Variants in ZBTB44 observed in about 807,000 individuals in gnomAD.
ZBTB44 encodes zinc finger and BTB domain containing 44.
In ZBTB44, 15 loss-of-function variants were observed where a neutral mutation model predicts 54.0. The observed-to-expected ratio is 0.28, with a 90% confidence interval of 0.19 to 0.43. The LOEUF (loss-of-function observed/expected upper bound fraction) is 0.43. ZBTB44 is among the 20% of genes least tolerant of loss of function. The pLI is 1.00. For synonymous variants in ZBTB44, 230 were observed against 250.1 expected, an observed-to-expected ratio of 0.92 and a Z score of 0.76; for missense variants, 487 against 707.1, an observed-to-expected ratio of 0.69 and a Z score of 3.53.
At chr11:130,279,407 C>G (rs1429074058) in intron 1 of ZBTB44, among the ~76,000 whole-genome samples, 3 of 151,642 alleles carry the variant, frequency 2.0e-5, no homozygotes, top group Admixed American at 1.3e-4. Flanking sequence ...ACCTGTAATA[C>G]CAGCACTTTG....
chr11:130,270,235 A>C (rs2134187993), intron 1 of ZBTB44, among the ~76,000 whole-genome samples: 1 of 152,334 alleles, frequency 6.6e-6, no homozygotes, highest in East Asian at 1.9e-4. Flanking sequence ...ACCAGGTTTT[A>C]ATTATGCTAA....
At position 130,230,071 on chromosome 11, in the gene ZBTB44, CAAGT is replaced by C. The variant is rs1953818468; in HGVS notation, c.*1689_*1692del. ...TATTAAAATTTTAGGATTATTCATT[CAAGT>C]AATAAGTCTCTGTTACAGAATTGCC... is the stretch of plus-strand genomic sequence containing the variant. On this transcript the variant is annotated 3_prime_UTR_variant, in exon 8 of 8. Transcript: ENST00000357899. 6.6e-6 allele frequency: 1 copy of C among 152,002 alleles called. No homozygotes were observed. Among genetic ancestry groups the C allele is most frequent in the South Asian group, 2.1e-4 (1 of 4,834 alleles). The allele number at this position is 152,002 out of a possible 1,614,324, so 9.4% of individuals were successfully genotyped here. A position where few individuals can be genotyped will look rare whatever the true frequency, so the allele number is the denominator to read the frequency against.
At chr11:130,247,253 A>G (rs1033784727) in intron 2 of ZBTB44, among the ~76,000 whole-genome samples, 4 of 152,212 alleles carry the variant, frequency 2.6e-5, no homozygotes, top group Non-Finnish European at 4.4e-5. Context: ...GTCTTTGGCT[A>G]TAGGGCCCAG....
At chr11:130,255,852 A>C (rs1938388722) in intron 2 of ZBTB44, among the ~76,000 whole-genome samples, 1 of 150,656 alleles carries the variant, frequency 6.6e-6, no homozygotes, top group South Asian at 2.1e-4. Context: ...AAGAAGCTGA[A>C]TCCCTGAATA....
chr11:130,241,011 T>C (rs1476377159), intron 2 of ZBTB44, among the ~76,000 whole-genome samples: 4 of 152,252 alleles, frequency 2.6e-5, no homozygotes, highest in Admixed American at 2.6e-4. Context: ...ACTATATGTA[T>C]TCTTTTGTCT....
chr11:130,251,178 G>A (rs912095235), intron 2 of ZBTB44, among the ~76,000 whole-genome samples: 3 of 152,292 alleles, frequency 2.0e-5, no homozygotes, highest in East Asian at 3.9e-4. Flanking sequence ...AATGGATCAA[G>A]CGGAAGAAAG....
chr11:130,240,602 G>A (rs1201560894), intron 2 of ZBTB44, among the ~76,000 whole-genome samples: 2 of 152,108 alleles, frequency 1.3e-5, no homozygotes, highest in African/African-American at 4.8e-5. Context: ...CAGATAAAGT[G>A]AACACCCAGG....
At chr11:130,236,217 C>T in intron 5 of ZBTB44, 1 of 1,283,564 alleles carries the variant, frequency 7.8e-7, no homozygotes, top group Non-Finnish European at 1.0e-6. Context: ...CTGGGATGCC[C>T]TATAAATCAG....
chr11:130,311,401 G>T (rs1942594641), intron 1 of ZBTB44, among the ~76,000 whole-genome samples: 1 of 152,022 alleles, frequency 6.6e-6, no homozygotes, highest in African/African-American at 2.4e-5. Flanking sequence ...TAGAGATGGG[G>T]TCTCATCATG....
At chr11:130,284,110 G>A (rs571751508) in intron 1 of ZBTB44, among the ~76,000 whole-genome samples, 75 of 151,912 alleles carry the variant, frequency 4.9e-4, no homozygotes, top group African/African-American at 1.7e-3. Context: ...CCAACATGGC[G>A]AAACCCCGTC....
Position 130,239,429 on chromosome 11 carries a change from G to A in ZBTB44, c.1103+383C>T, listed in dbSNP as rs921677075. On this transcript the variant is annotated intron_variant, in intron 3 of 7. Transcript: ENST00000357899. ...TCCGTACAGCACACATTCTGACTTT[G>A]CACACCATACAGTCTGTTTCAACCA... 19 of 198,124 alleles carry A rather than the reference G, an allele frequency of 9.6e-5. No individual in the cohort carries two copies. In the Admixed American group the frequency reaches 1.0e-3, roughly 11 times the overall value. The allele number at this position is 198,124 out of a possible 1,614,324, so 12.3% of individuals were successfully genotyped here. A position where few individuals can be genotyped will look rare whatever the true frequency, so the allele number is the denominator to read the frequency against.
At chr11:130,271,384 C>G (rs1418608549) in intron 1 of ZBTB44, among the ~76,000 whole-genome samples, 1 of 152,156 alleles carries the variant, frequency 6.6e-6, no homozygotes, top group African/African-American at 2.4e-5. Context: ...GATTCCATGT[C>G]TCAGGCAGTA....
At chr11:130,285,189 G>A in intron 1 of ZBTB44, 1 of 168,370 alleles carries the variant, frequency 5.9e-6, no homozygotes, top group Non-Finnish European at 1.4e-5. Context: ...TCTTTACTAA[G>A]GAGTTTTTGG....
At chr11:130,313,439 A>G (rs927275271) in intron 1 of ZBTB44, among the ~76,000 whole-genome samples, 2 of 152,254 alleles carry the variant, frequency 1.3e-5, no homozygotes, top group Non-Finnish European at 2.9e-5. Flanking sequence ...ATAAGGGGAA[A>G]CTACATTAGG....
rs1025240295 is a variant in ZBTB44, at chr11:130,289,257, T to C, written c.-57+25118A>G. On this transcript the variant is annotated intron_variant, in intron 1 of 7. Coordinates refer to ENST00000357899, the MANE Select transcript of ZBTB44 (RefSeq NM_001301098.2). ...CAGCACTCTGGGAGGCTGAGGAATG[T>C]GGGTCACCTGAGGTCAGGAGTTCAA... is the stretch of plus-strand genomic sequence containing the variant. Among the ~76,000 whole-genome samples, 27 of 152,030 alleles carry C rather than the reference T, an allele frequency of 1.8e-4. 1 individual carries two copies. The highest frequency in any genetic ancestry group is 7.9e-4 in the Admixed American group (12 of 15,252).
intron 5 of ZBTB44, 105 bp downstream of exon 5, chr11:130,236,688 G>C (rs1457178356): frequency 1.7e-6 from 2 of 1,191,342 alleles, no homozygotes; most frequent in East Asian, 6.1e-5. Flanking sequence ...AAATGTGACT[G>C]ACTAGCTGGC....
At chr11:130,284,125 C>T (rs1404643845) in intron 1 of ZBTB44, among the ~76,000 whole-genome samples, 1 of 151,920 alleles carries the variant, frequency 6.6e-6, no homozygotes, top group East Asian at 1.9e-4. Context: ...CCCGTCTCTA[C>T]TAAAAATACA....
In ZBTB44 at chr11:130,282,730, A is replaced by G. The variant is rs192438240; in HGVS notation, c.-56-20801T>C. Among the ~76,000 whole-genome samples the G allele has an allele frequency of 3.4e-3, 512 of 152,278 alleles. 1 individual carries two copies. Among genetic ancestry groups the G allele is most frequent in the African/African-American group, 0.011 (475 of 41,566 alleles). ...AGTATTTTGAGTAAGAGTGGCTACC[A>G]CCTTAAACGGTTCACATTTCTCTCT... On this transcript the variant is annotated intron_variant, in intron 1 of 7. Coordinates refer to ENST00000357899, the MANE Select transcript of ZBTB44 (RefSeq NM_001301098.2).
intron 1 of ZBTB44, among the ~76,000 whole-genome samples, chr11:130,306,369 G>A (rs1451698096): frequency 6.6e-6 from 1 of 152,064 alleles, no homozygotes; most frequent in Non-Finnish European, 1.5e-5. Context: ...GGGCGTGGTG[G>A]TGCATGCCTG....
Sources: allele counts gnomAD v4.1 joint callset (sites outside exome capture counted in the v4.1 genomes callset), GRCh38; gene constraint gnomAD v4.1.1; transcripts MANE v1.5; gene names NCBI Gene and HGNC (gene_info 2026-07-23, HGNC 2026-07-21).